The following PRKCA variants were observed in gnomAD, a reference collection of about 807,000 sequenced individuals.
PRKCA encodes protein kinase C alpha, also known as protein kinase C alpha type.
PRKCA carries 27 observed loss-of-function variants against 87.0 expected under a neutral mutation model. The observed-to-expected ratio is 0.31, with a 90% confidence interval of 0.23 to 0.43. The LOEUF (loss-of-function observed/expected upper bound fraction) is 0.43. Ranked by LOEUF, PRKCA falls within the 20% of genes least tolerant of loss-of-function variation. The pLI is 1.00. For synonymous variants in PRKCA, 329 were observed against 311.1 expected (o/e 1.06, Z -0.61); for missense variants, 518 against 852.3 (o/e 0.61, Z 4.88).
chr17:66,546,504 G>A (rs563752083), intron 3 of PRKCA, among the ~76,000 whole-genome samples: 8 of 152,266 alleles, frequency 5.3e-5, no homozygotes, highest in Non-Finnish European at 1.0e-4. Flanking sequence ...GTTAGTTGCC[G>A]CTAATCCTCT....
chr17:66,561,194 T>C (rs1968669262), intron 3 of PRKCA, among the ~76,000 whole-genome samples: 1 of 152,236 alleles, frequency 6.6e-6, no homozygotes, highest in Admixed American at 6.5e-5. Context: ...TGCACCGAAA[T>C]GATCGCTTTC....
intron 13 of PRKCA, among the ~76,000 whole-genome samples, chr17:66,745,631 A>G (rs982374658): frequency 6.6e-6 from 1 of 152,220 alleles, no homozygotes. Flanking sequence ...CAGTGAGCTA[A>G]GATCGTGCCA....
intron 5 of PRKCA, among the ~76,000 whole-genome samples, chr17:66,646,314 A>G (rs1185688703): frequency 6.6e-6 from 1 of 152,060 alleles, no homozygotes; most frequent in Non-Finnish European, 1.5e-5. Context: ...CTTTCGGTTC[A>G]TCGGCACACT....
At chr17:66,603,231 C>A (rs1970106755) in intron 3 of PRKCA, among the ~76,000 whole-genome samples, 1 of 152,182 alleles carries the variant, frequency 6.6e-6, no homozygotes, top group Non-Finnish European at 1.5e-5. Flanking sequence ...TCTCTCTCTG[C>A]TGTGCTTCCT....
intron 3 of PRKCA, among the ~76,000 whole-genome samples, chr17:66,528,733 T>C (rs763769125): frequency 6.6e-6 from 1 of 152,226 alleles, no homozygotes; most frequent in African/African-American, 2.4e-5. Context: ...TGTGGTATTA[T>C]GTTACAGCAG....
chr17:66,478,775 G>A (rs1250417878), intron 2 of PRKCA, among the ~76,000 whole-genome samples: 1 of 152,062 alleles, frequency 6.6e-6, no homozygotes, highest in Non-Finnish European at 1.5e-5. Flanking sequence ...GTTGGTCTGT[G>A]TCCTTATAGA....
At chr17:66,581,301 G>A (rs1969422773) in intron 3 of PRKCA, among the ~76,000 whole-genome samples, 1 of 152,170 alleles carries the variant, frequency 6.6e-6, no homozygotes, top group Non-Finnish European at 1.5e-5. Flanking sequence ...TGCAAAAGCT[G>A]TCTTGGACAA....
At chr17:66,690,467 A>C (rs1330739368) in intron 8 of PRKCA, among the ~76,000 whole-genome samples, 1 of 152,168 alleles carries the variant, frequency 6.6e-6, no homozygotes, top group Non-Finnish European at 1.5e-5. Flanking sequence ...CTTCTTCCAG[A>C]GAAGCCAGAA....
chr17:66,431,973 C>G (rs1209301139), intron 2 of PRKCA, among the ~76,000 whole-genome samples: 1 of 152,188 alleles, frequency 6.6e-6, no homozygotes, highest in East Asian at 1.9e-4. Context: ...ATTTCCAAAG[C>G]ACTTTCAAGA....
chr17:66,451,951 C>T (rs963515143), intron 2 of PRKCA, among the ~76,000 whole-genome samples: 6 of 152,178 alleles, frequency 3.9e-5, no homozygotes, highest in Non-Finnish European at 8.8e-5. Context: ...ATCTAACTGT[C>T]CAGAAAATTG....
Position 66,641,115 on chromosome 17 carries a change from G to A in PRKCA, c.289-240G>A, listed in dbSNP as rs534029038. ...GGAGGTTGCAGTGAGCTGAGATCGC[G>A]CCACTGCACTCCAGCCTGGGCGACG... On this transcript the variant is annotated intron_variant, in intron 3 of 16. Coordinates refer to ENST00000413366, the MANE Select transcript of PRKCA (RefSeq NM_002737.3). Among the ~76,000 whole-genome samples, 5 of 148,440 alleles carry A rather than the reference G, an allele frequency of 3.4e-5. No individual in the cohort carries two copies. In the South Asian group the frequency reaches 8.6e-4, roughly 26 times the overall value.
intron 2 of PRKCA, among the ~76,000 whole-genome samples, chr17:66,379,737 CT>C (rs1181557687): frequency 6.6e-6 from 1 of 152,084 alleles, no homozygotes; most frequent in African/African-American, 2.4e-5. Flanking sequence ...TCCAGTTTGT[CT>C]TTTTTTGGGA....
At position 66,620,590 on chromosome 17, in the gene PRKCA, A is replaced by G. The variant is rs368533157; in HGVS notation, c.289-20765A>G. Among the ~76,000 whole-genome samples, 10 of 152,168 alleles carry G rather than the reference A, an allele frequency of 6.6e-5. No individual in the cohort carries two copies. The East Asian group carries it at 1.4e-3, about 21-fold the overall frequency. On this transcript the variant is annotated intron_variant, in intron 3 of 16. Coordinates refer to ENST00000413366, the MANE Select transcript of PRKCA (RefSeq NM_002737.3). ...AGCTCAGAAATCTATTCATAAGGGG[A>G]AAAAAAATGAATGGCTTTTGGTCAG...
At chr17:66,324,646 TA>T (rs1339163849) in intron 2 of PRKCA, among the ~76,000 whole-genome samples, 3 of 151,814 alleles carry the variant, frequency 2.0e-5, no homozygotes, top group South Asian at 2.1e-4. Context: ...AGTTAATATA[TA>T]AAAAAAATTT....
chr17:66,718,763 AT>A (rs1390558153), intron 8 of PRKCA, among the ~76,000 whole-genome samples: 1 of 152,236 alleles, frequency 6.6e-6, no homozygotes, highest in African/African-American at 2.4e-5. Flanking sequence ...AGGGAGACAC[AT>A]TCAAACCATA....
intron 2 of PRKCA, among the ~76,000 whole-genome samples, chr17:66,328,269 TCTTGAACTCCTGGCC>T (rs1906109452): frequency 5.9e-5 from 9 of 151,964 alleles, no homozygotes; most frequent in Admixed American, 5.2e-4. Flanking sequence ...TCCAGGTCGG[TCTTGAACTCCTGGCC>T]GGTCTTGAAC....
chr17:66,609,492 C>G (rs1970293545), intron 3 of PRKCA, among the ~76,000 whole-genome samples: 1 of 152,212 alleles, frequency 6.6e-6, no homozygotes, highest in Admixed American at 6.5e-5. Context: ...AATCATCGAT[C>G]AGTCCTGTCG....
intron 5 of PRKCA, among the ~76,000 whole-genome samples, chr17:66,667,178 T>G (rs1972065350): frequency 6.6e-6 from 1 of 152,150 alleles, no homozygotes; most frequent in Non-Finnish European, 1.5e-5. Flanking sequence ...GTCTGCGTGT[T>G]TAGTTCAGTT....
intron 8 of PRKCA, among the ~76,000 whole-genome samples, chr17:66,715,245 A>T (rs1350232737): frequency 6.6e-6 from 1 of 151,086 alleles, no homozygotes; most frequent in Non-Finnish European, 1.5e-5. Flanking sequence ...ACTGGGTTTT[A>T]TTGCCAGTTA....
Sources: gnomAD v4.1 joint callset for allele counts (sites outside exome capture counted in the v4.1 genomes callset) on GRCh38, gnomAD v4.1.1 for gene constraint, MANE v1.5 for transcripts, NCBI Gene and HGNC (gene_info 2026-07-23, HGNC 2026-07-21) for gene names.